FBXL17: variants seen among roughly 807,000 people sequenced by gnomAD.
FBXL17 encodes the protein F-box and leucine rich repeat protein 17.
In FBXL17, 22 loss-of-function variants were observed where a neutral mutation model predicts 66.2. The observed-to-expected ratio is 0.33, with a 90% CI of 0.24 to 0.47. FBXL17 has a LOEUF of 0.47. Ranked by LOEUF, FBXL17 falls within the 20% of genes least tolerant of loss-of-function variation. FBXL17 has a pLI of 1.00. For missense variants in FBXL17, 878 were observed against 948.2 expected (o/e 0.93, Z 0.97); for synonymous variants, 474 against 400.5 (o/e 1.18, Z -2.19).
chr5:107,909,083 C>A (rs1032137272), intron 7 of FBXL17, among the ~76,000 whole-genome samples: 2 of 152,064 alleles, frequency 1.3e-5, no homozygotes, highest in African/African-American at 4.8e-5. Flanking sequence ...TTTAGAGCAA[C>A]CTATATTGAG....
chr5:108,042,009 C>A (rs186599749), intron 6 of FBXL17, among the ~76,000 whole-genome samples: 76 of 152,206 alleles, frequency 5.0e-4, no homozygotes, highest in African/African-American at 1.8e-3. Flanking sequence ...GACTCTCCTG[C>A]CTCAACCTCC....
chr5:108,201,451 T>C (rs1753890281), intron 5 of FBXL17, among the ~76,000 whole-genome samples: 1 of 152,088 alleles, frequency 6.6e-6, no homozygotes, highest in Non-Finnish European at 1.5e-5. Flanking sequence ...GTTTAATTAA[T>C]TAAAAATAAA....
rs75118779 is a variant in FBXL17 at position 108,013,606 on chromosome 5, G to A, written c.1822+7319C>T. 1.0e-3 allele frequency among the ~76,000 whole-genome samples: 158 copies of A among 152,152 alleles called. 2 individuals carry two copies. Among genetic ancestry groups the A allele is most frequent in the Middle Eastern group, 6.8e-3 (2 of 294 alleles). On this transcript the variant is annotated intron_variant, in intron 7 of 8. Transcript: ENST00000542267. Reference sequence around the variant, plus strand: ...AGGCAGAAAATTTTACATGGTTTCCGTCTTCTTTCTCAACACAAGAGTACT... The same window carrying A: ...AGGCAGAAAATTTTACATGGTTTCCATCTTCTTTCTCAACACAAGAGTACT...
At chr5:107,895,846 T>C (rs1456310908) in intron 7 of FBXL17, among the ~76,000 whole-genome samples, 1 of 152,182 alleles carries the variant, frequency 6.6e-6, no homozygotes, top group Admixed American at 6.6e-5. Context: ...CAGGTTTCTA[T>C]GTTCAAGAGG....
At chr5:108,158,278 GA>G (rs1561439120) in intron 6 of FBXL17, among the ~76,000 whole-genome samples, 3 of 151,900 alleles carry the variant, frequency 2.0e-5, no homozygotes, top group African/African-American at 7.3e-5. Context: ...TACCAACAAC[GA>G]ATTAGAAAAC....
intron 6 of FBXL17, among the ~76,000 whole-genome samples, chr5:108,066,072 A>G (rs1748106159): frequency 6.6e-6 from 1 of 152,174 alleles, no homozygotes; most frequent in Non-Finnish European, 1.5e-5. Flanking sequence ...ATTCTCCAAA[A>G]GCTAAGAAGA....
intron 6 of FBXL17, among the ~76,000 whole-genome samples, chr5:108,045,362 A>T (rs1322719369): frequency 1.3e-5 from 2 of 152,134 alleles, no homozygotes; most frequent in East Asian, 3.8e-4. Flanking sequence ...GAATCACTTG[A>T]ACCCAGGAGG....
At chr5:107,972,210 A>G (rs1326074439) in intron 7 of FBXL17, among the ~76,000 whole-genome samples, 3 of 152,274 alleles carry the variant, frequency 2.0e-5, no homozygotes, top group Non-Finnish European at 4.4e-5. Context: ...AGAAAAGAGA[A>G]AACAAAAAGT....
chr5:108,337,000 C>T (rs1047826777), intron 4 of FBXL17, among the ~76,000 whole-genome samples: 18 of 151,976 alleles, frequency 1.2e-4, no homozygotes, highest in African/African-American at 3.9e-4. Context: ...AGGTGGCTCA[C>T]GCCTCCCAGA....
intron 6 of FBXL17, among the ~76,000 whole-genome samples, chr5:108,080,272 A>C (rs1748711451): frequency 6.6e-6 from 1 of 152,208 alleles, no homozygotes; most frequent in Admixed American, 6.5e-5. Context: ...AAGGATAATA[A>C]CCTGTTCTAT....
chr5:107,954,943 C>G (rs188380036), intron 7 of FBXL17, among the ~76,000 whole-genome samples: 1 of 152,184 alleles, frequency 6.6e-6, no homozygotes, highest in Non-Finnish European at 1.5e-5. Flanking sequence ...ACTTCCAAAG[C>G]CACCCAGGAA....
At chr5:108,226,419 A>AT (rs1755102651) in intron 4 of FBXL17, among the ~76,000 whole-genome samples, 1 of 152,056 alleles carries the variant, frequency 6.6e-6, no homozygotes, top group Non-Finnish European at 1.5e-5. Flanking sequence ...TATTTGTATC[A>AT]TTTTAATATA....
intron 4 of FBXL17, among the ~76,000 whole-genome samples, chr5:108,231,653 G>C (rs1399596160): frequency 6.6e-6 from 1 of 152,048 alleles, no homozygotes; most frequent in Non-Finnish European, 1.5e-5. Context: ...CATTAAACAG[G>C]AAGTTAAAAT....
intron 4 of FBXL17, chr5:108,302,018 T>C (rs1232781711): frequency 1.0e-6 from 1 of 985,020 alleles, no homozygotes; most frequent in Non-Finnish European, 1.2e-6. Flanking sequence ...CATGTCGTGA[T>C]TGGAATATGA....
chr5:108,350,446 T>C (rs1482450435), intron 3 of FBXL17, among the ~76,000 whole-genome samples: 1 of 152,178 alleles, frequency 6.6e-6, no homozygotes, highest in East Asian at 1.9e-4. Context: ...CAAAGAAACA[T>C]TTCTATCCCA....
At chr5:108,239,499 A>C (rs1037630224) in intron 4 of FBXL17, among the ~76,000 whole-genome samples, 2 of 152,178 alleles carry the variant, frequency 1.3e-5, no homozygotes, top group African/African-American at 4.8e-5. Context: ...GCGCCTATGG[A>C]GGAAGCATTT....
chr5:107,875,023 C>T (rs1438356583), intron 8 of FBXL17, among the ~76,000 whole-genome samples: 1 of 152,114 alleles, frequency 6.6e-6, no homozygotes, highest in Non-Finnish European at 1.5e-5. Context: ...AGGGTTATGT[C>T]ACCCACAACA....
intron 4 of FBXL17, among the ~76,000 whole-genome samples, chr5:108,295,352 A>G (rs4957751): frequency 0.56 from 84,907 of 151,544 alleles, 24,043 homozygotes; most frequent in East Asian, 0.76. Flanking sequence ...ATTCTCATAT[A>G]TTCTAAGCAC....
intron 6 of FBXL17, among the ~76,000 whole-genome samples, chr5:108,055,496 C>A (rs1010774529): frequency 1.3e-5 from 2 of 149,092 alleles, no homozygotes; most frequent in African/African-American, 4.9e-5. Context: ...GTAGTCCCAG[C>A]TACTCGAGAG....
Sources: gnomAD v4.1 joint callset for allele counts (sites outside exome capture counted in the v4.1 genomes callset) on GRCh38, gnomAD v4.1.1 for gene constraint, MANE v1.5 for transcripts, NCBI Gene and HGNC (gene_info 2026-07-23, HGNC 2026-07-21) for gene names.